The following PRUNE2 variants were observed in gnomAD, a reference collection of about 807,000 sequenced individuals.
PRUNE2 encodes the protein protein prune homolog 2.
PRUNE2 carries 164 observed loss-of-function variants against 252.0 expected under a neutral mutation model. The ratio of observed to expected loss-of-function variants is 0.65; its 90% CI spans 0.57 to 0.74. The LOEUF (loss-of-function observed/expected upper bound fraction) is 0.74, where lower values mean the gene tolerates loss of function less well. Among genes scored for constraint, PRUNE2 ranks in the 30% least tolerant of loss-of-function variants. The probability of loss-of-function intolerance (pLI) is 0.00; values close to 1 mark genes in which losing one functional copy is unlikely to be tolerated. For synonymous variants in PRUNE2, 1,292 were observed against 1,350.2 expected (o/e 0.96, Z 0.94); for missense variants, 3,495 against 3,711.0 (o/e 0.94, Z 1.51).
At chr9:76,712,824 G>C (rs1237834857) in intron 7 of PRUNE2, among the ~76,000 whole-genome samples, 2 of 152,118 alleles carry the variant, frequency 1.3e-5, no homozygotes, top group African/African-American at 2.4e-5. Flanking sequence ...CATAGGCATG[G>C]GTCAAGAGAG....
At chr9:76,635,445 T>C (rs2132545196) in intron 15 of PRUNE2, among the ~76,000 whole-genome samples, 2 of 152,326 alleles carry the variant, frequency 1.3e-5, no homozygotes, top group Admixed American at 1.3e-4. Flanking sequence ...TTTCAGTGGT[T>C]TCTTCTTGTG....
intron 2 of PRUNE2, among the ~76,000 whole-genome samples, chr9:76,852,354 T>C (rs535755921): frequency 1.4e-4 from 22 of 152,360 alleles, no homozygotes; most frequent in Non-Finnish European, 2.9e-5. Context: ...AGAATCAATA[T>C]GTAAATCAGG....
intron 1 of PRUNE2, among the ~76,000 whole-genome samples, chr9:76,882,287 C>T (rs1182426927): frequency 1.3e-5 from 2 of 152,176 alleles, no homozygotes; most frequent in Non-Finnish European, 2.9e-5. Context: ...ACATTCACCT[C>T]ATATATGATG....
chr9:76,822,587 C>T (rs1411138952), intron 6 of PRUNE2, among the ~76,000 whole-genome samples: 1 of 152,206 alleles, frequency 6.6e-6, no homozygotes, highest in Admixed American at 6.5e-5. Flanking sequence ...GCAGGCAGAT[C>T]ATTTGAGGTC....
intron 16 of PRUNE2, among the ~76,000 whole-genome samples, chr9:76,628,561 C>G (rs955525817): frequency 2.0e-4 from 30 of 152,124 alleles, no homozygotes; most frequent in Admixed American, 3.3e-4. Flanking sequence ...GTGGGGGACA[C>G]AAGAAACTGA....
chr9:76,815,755 C>A (rs1233459962), intron 6 of PRUNE2, among the ~76,000 whole-genome samples: 1 of 152,046 alleles, frequency 6.6e-6, no homozygotes, highest in Non-Finnish European at 1.5e-5. Flanking sequence ...CTAGATAGAC[C>A]AAGTTTTGTG....
chr9:76,854,272 T>G, intron 1 of PRUNE2, 64 bp from the exon 2 acceptor site: 1 of 834,278 alleles, frequency 1.2e-6, no homozygotes, highest in Admixed American at 2.5e-5. Context: ...AACATATTTT[T>G]AATATTTTAA....
intron 6 of PRUNE2, among the ~76,000 whole-genome samples, chr9:76,716,149 A>C (rs17180997): frequency 0.018 from 2,707 of 152,228 alleles, 43 homozygotes; most frequent in East Asian, 0.084. Flanking sequence ...ATTAAGAATC[A>C]GTAGAATCAA....
At position 76,707,602 on chromosome 9, in the gene PRUNE2, A is replaced by T. The variant is rs1010137671; in HGVS notation, c.4672T>A (p.Ser1558Thr). 4.3e-6 allele frequency: 7 copies of T among 1,613,812 alleles called. No homozygotes were observed. Among genetic ancestry groups the T allele is most frequent in the Non-Finnish European group, 5.9e-6 (7 of 1,179,892 alleles). Residue 1558 changes from serine (S) to threonine (T), a missense_variant, in exon 8 of 19, where the codon TCC becomes ACC. Physicochemically the swap from Ser to Thr is moderately conservative, Grantham distance 58 (BLOSUM62 1). Transcript: ENST00000376718. ...PELNDSSVALSSWGQQPSSGY... is the reference protein window; with the variant it reads ...PELNDSSVALTSWGQQPSSGY... ...GAACTGGGTTGCTGGCCCCAGGAGG[A>T]CAGTGCAACTGAAGAGTCATTTAAC...
intron 6 of PRUNE2, among the ~76,000 whole-genome samples, chr9:76,820,958 A>G (rs184068833): frequency 1.0e-3 from 154 of 152,304 alleles, no homozygotes; most frequent in Non-Finnish European, 1.4e-3. Context: ...AGCATCTACT[A>G]TGTGCCATCA....
intron 18 of PRUNE2, 127 bp from the exon 19 acceptor site, chr9:76,614,727 G>A (rs1828613912): frequency 1.4e-6 from 1 of 698,540 alleles, no homozygotes; most frequent in South Asian, 1.9e-5. Context: ...AATCATGCAA[G>A]TTTCTTATAA....
rs761287225 is a variant in PRUNE2 at position 76,705,432 on chromosome 9, ACC to A, written c.6840_6841del (p.Leu2280PhefsTer3). The A allele has an allele frequency of 2.5e-6, 4 of 1,613,946 alleles. No homozygotes were observed. Among genetic ancestry groups the A allele is most frequent in the Non-Finnish European group, 3.4e-6 (4 of 1,179,848 alleles). ...GTCTGAGGCTAGCAAAGCATCAGGA[ACC>A]AAGGCAGGATTCTCTGTGGATAAAT... On this transcript the variant is annotated frameshift_variant, in exon 8 of 19. Coordinates refer to ENST00000376718, the MANE Select transcript of PRUNE2 (RefSeq NM_015225.3). LOFTEE classifies it high-confidence loss of function.
chr9:76,792,884 C>A (rs2055689254), intron 6 of PRUNE2, among the ~76,000 whole-genome samples: 1 of 152,200 alleles, frequency 6.6e-6, no homozygotes, highest in Non-Finnish European at 1.5e-5. Flanking sequence ...AGCTATCTAG[C>A]AAATGCTAGT....
At chr9:76,621,352 G>A (rs989411476) in intron 17 of PRUNE2, among the ~76,000 whole-genome samples, 4 of 152,176 alleles carry the variant, frequency 2.6e-5, no homozygotes, top group Non-Finnish European at 4.4e-5. Context: ...AAAAAATGTT[G>A]CTGGTGGCCG....
chr9:76,707,408 T>TA lies in PRUNE2; in HGVS notation c.4865dup (p.Leu1622PhefsTer6), dbSNP rs762125212. 6.2e-7 allele frequency: 1 copy of TA among 1,613,944 alleles called. No individual in the cohort carries two copies. Among genetic ancestry groups the TA allele is most frequent in the Non-Finnish European group, 8.5e-7 (1 of 1,179,790 alleles). ...CATCAACTGAGTCATTCCAGATCTC[T>TA]AAAAATGTAGGAGTTTTGCGATCAA... On this transcript the variant is annotated frameshift_variant, in exon 8 of 19. Coordinates refer to ENST00000376718, the MANE Select transcript of PRUNE2 (RefSeq NM_015225.3). LOFTEE classifies it high-confidence loss of function.
chr9:76,891,676 T>C (rs960342554), intron 1 of PRUNE2, among the ~76,000 whole-genome samples: 2 of 152,234 alleles, frequency 1.3e-5, no homozygotes, highest in Admixed American at 6.5e-5. Context: ...ACATTTTCTT[T>C]TATGTAGATG....
intron 6 of PRUNE2, among the ~76,000 whole-genome samples, chr9:76,801,745 G>GT (rs1325310260): frequency 6.6e-6 from 1 of 152,140 alleles, no homozygotes; most frequent in African/African-American, 2.4e-5. Flanking sequence ...GGTAAATGTG[G>GT]TAAGAGTAAC....
Position 76,710,187 on chromosome 9 carries a change from C to T in PRUNE2, c.2087G>A (p.Arg696Lys), listed in dbSNP as rs1382132966. 1 of 1,613,904 alleles carries T rather than the reference C, an allele frequency of 6.2e-7. No homozygotes were observed. The highest frequency in any genetic ancestry group is 8.5e-7 in the Non-Finnish European group (1 of 1,179,852). ...WKEHKPSSID[R>K]RASDSVFQPK... ...TTGAAATACAGAATCTGAGGCTCTC[C>T]TATCAATGGAGCTTGGCTTATGCTC... The change falls in exon 8 of 19, where the codon AGG (arginine) becomes AAG (lysine). Residue 696 changes from arginine to lysine, a missense_variant. By Grantham distance (26) the Arg-to-Lys change is conservative (BLOSUM62 2). Coordinates refer to ENST00000376718, the MANE Select transcript of PRUNE2 (RefSeq NM_015225.3).
chr9:76,880,061 G>A (rs993913793), intron 1 of PRUNE2, among the ~76,000 whole-genome samples: 26 of 150,930 alleles, frequency 1.7e-4, no homozygotes, highest in African/African-American at 4.9e-4. Flanking sequence ...CTACAGGCAC[G>A]CGCCACCACG....
Sources: allele counts gnomAD v4.1 joint callset (sites outside exome capture counted in the v4.1 genomes callset), GRCh38; gene constraint gnomAD v4.1.1; transcripts MANE v1.5; gene names NCBI Gene and HGNC (gene_info 2026-07-23, HGNC 2026-07-21).